The following ITIH5 variants were observed in gnomAD, a reference collection of about 807,000 sequenced individuals.
ITIH5 encodes the protein inter-alpha-trypsin inhibitor heavy chain 5, also known as inter-alpha-trypsin inhibitor heavy chain H5.
In ITIH5, 65 loss-of-function variants were observed where a neutral mutation model predicts 77.5. That is an observed-to-expected ratio of 0.84 (90% CI 0.69 to 1.03). The LOEUF is 1.03. Among genes scored for constraint, ITIH5 ranks in the 50% least tolerant of loss-of-function variants. The pLI is 0.00. For missense variants in ITIH5, 1,208 were observed against 1,213.1 expected, an observed-to-expected ratio of 1.00 and a Z score of 0.06; for synonymous variants, 525 against 494.3, an observed-to-expected ratio of 1.06 and a Z score of -0.82.
At chr10:7,666,129 AC>A (rs1339087146) in intron 1 of ITIH5, among the ~76,000 whole-genome samples, 2 of 152,194 alleles carry the variant, frequency 1.3e-5, no homozygotes, top group African/African-American at 4.8e-5. Context: ...ATTTGTGTGA[AC>A]CCGCTTCATA....
intron 10 of ITIH5, among the ~76,000 whole-genome samples, chr10:7,574,595 C>T (rs907599695): frequency 2.0e-5 from 3 of 151,994 alleles, no homozygotes; most frequent in Admixed American, 6.6e-5. Context: ...AGATTGAGAC[C>T]ATCCTGGCTA....
intron 1 of ITIH5, among the ~76,000 whole-genome samples, chr10:7,657,831 A>T (rs1420833229): frequency 1.3e-5 from 2 of 152,202 alleles, no homozygotes; most frequent in African/African-American, 4.8e-5. Flanking sequence ...GTGTCCCAGA[A>T]CTGCCTTTTC....
At chr10:7,615,479 T>C (rs1833345758) in intron 7 of ITIH5, among the ~76,000 whole-genome samples, 1 of 152,194 alleles carries the variant, frequency 6.6e-6, no homozygotes, top group East Asian at 1.9e-4. Context: ...ATAGTCATAT[T>C]TTCAGGAATC....
rs566205724 is a variant in ITIH5 at position 7,567,789 on chromosome 10, A to G, written c.2150-1382T>C. On this transcript the variant is annotated intron_variant, in intron 12 of 13. Coordinates refer to ENST00000397146, the MANE Select transcript of ITIH5 (RefSeq NM_030569.7). The stretch of plus-strand genomic sequence containing the variant: ...CTGGGGAAGCTGAGGCAGGAGAATC[A>G]CTTAAACCCAGGAGGTGGAGATTGC... 4.6e-5 allele frequency among the ~76,000 whole-genome samples: 7 copies of G among 152,272 alleles called. No homozygotes were observed. In the South Asian group the frequency reaches 8.3e-4, roughly 18 times the overall value.
chr10:7,655,517 T>C (rs1834166503), intron 2 of ITIH5, 114 bp downstream of exon 2: 2 of 802,152 alleles, frequency 2.5e-6, no homozygotes, highest in Middle Eastern at 2.3e-4. Context: ...TCAGAATTTT[T>C]CTACAAGCAA....
At chr10:7,648,028 A>C (rs546740189) in intron 2 of ITIH5, among the ~76,000 whole-genome samples, 9 of 152,050 alleles carry the variant, frequency 5.9e-5, no homozygotes, top group Admixed American at 3.9e-4. Context: ...TGGATCACGA[A>C]GTCAGGAGAT....
intron 2 of ITIH5, 68 bp downstream of exon 2, chr10:7,655,563 A>C: frequency 2.3e-6 from 3 of 1,292,954 alleles, no homozygotes; most frequent in Non-Finnish European, 3.4e-6. Flanking sequence ...AGCAAAGTGG[A>C]TACCTGGTTC....
chr10:7,646,653 A>G (rs1015118011), intron 2 of ITIH5, among the ~76,000 whole-genome samples: 4 of 152,302 alleles, frequency 2.6e-5, no homozygotes, highest in South Asian at 4.1e-4. Flanking sequence ...TGAAGCTGGA[A>G]TTGTGAGTTG....
intron 8 of ITIH5, among the ~76,000 whole-genome samples, chr10:7,582,117 T>C (rs950996990): frequency 5.9e-5 from 9 of 152,118 alleles, no homozygotes; most frequent in Admixed American, 2.0e-4. Flanking sequence ...CCTTGTGATC[T>C]GCCCGCCTCG....
chr10:7,638,533 A>C (rs1214988558), intron 4 of ITIH5, among the ~76,000 whole-genome samples: 1 of 152,240 alleles, frequency 6.6e-6, no homozygotes, highest in African/African-American at 2.4e-5. Context: ...CAAAGTTCAA[A>C]AGGAAAAGTA....
In ITIH5 at chr10:7,657,205, C is replaced by T. The variant is rs560585385; in HGVS notation, c.91-1530G>A. 8.6e-5 allele frequency among the ~76,000 whole-genome samples: 13 copies of T among 151,524 alleles called. No homozygotes were observed. The South Asian group carries it at 2.3e-3, about 27-fold the overall frequency. On this transcript the variant is annotated intron_variant, in intron 1 of 13. Transcript: ENST00000397146. ...GACTACAGGCATGCACCACCACGCC[C>T]GGCTAATTTTACTTTTGTATTTTAA...
chr10:7,602,848 A>G (rs937097058), intron 7 of ITIH5, among the ~76,000 whole-genome samples: 1 of 152,102 alleles, frequency 6.6e-6, no homozygotes, highest in African/African-American at 2.4e-5. Flanking sequence ...TTCTTTAATA[A>G]CAGCTCCATC....
intron 12 of ITIH5, among the ~76,000 whole-genome samples, chr10:7,568,125 A>C (rs1047973877): frequency 2.0e-5 from 3 of 152,308 alleles, no homozygotes; most frequent in Admixed American, 6.5e-5. Context: ...TGGCGATTGC[A>C]CTTGAGATGT....
chr10:7,570,678 A>G (rs1832279052), intron 11 of ITIH5, among the ~76,000 whole-genome samples: 1 of 152,330 alleles, frequency 6.6e-6, no homozygotes, highest in South Asian at 2.1e-4. Flanking sequence ...GCTGGAGTAC[A>G]GTGGTGCAAT....
intron 2 of ITIH5, 105 bp from the exon 3 acceptor site, chr10:7,642,195 G>T: frequency 2.3e-6 from 2 of 877,604 alleles, no homozygotes; most frequent in African/African-American, 1.7e-5. Flanking sequence ...CTTCAGTTTG[G>T]GAGCCTTTGG....
chr10:7,571,653 G>A (rs1248076747), intron 11 of ITIH5: 1 of 152,188 alleles, frequency 6.6e-6, no homozygotes. Context: ...CTGACCTCAG[G>A]TGATCCACCT....
At chr10:7,574,795 A>G (rs79530035) in intron 10 of ITIH5, among the ~76,000 whole-genome samples, 2,784 of 16,456 alleles carry the variant, frequency 0.17, 26 homozygotes, top group South Asian at 0.36. Context: ...TCCATCTCGG[A>G]AAAAAAAAAA....
At chr10:7,655,133 C>T (rs994979971) in intron 2 of ITIH5, among the ~76,000 whole-genome samples, 2 of 152,134 alleles carry the variant, frequency 1.3e-5, no homozygotes, top group African/African-American at 4.8e-5. Context: ...TATTTCACTC[C>T]ATGCACAGTG....
intron 7 of ITIH5, among the ~76,000 whole-genome samples, chr10:7,595,858 A>T (rs968371466): frequency 6.6e-6 from 1 of 152,104 alleles, no homozygotes; most frequent in African/African-American, 2.4e-5. Flanking sequence ...AATACAAAAA[A>T]TTAGCCAGGC....
Sources: gnomAD v4.1 joint callset for allele counts (sites outside exome capture counted in the v4.1 genomes callset) on GRCh38, gnomAD v4.1.1 for gene constraint, MANE v1.5 for transcripts, NCBI Gene and HGNC (gene_info 2026-07-23, HGNC 2026-07-21) for gene names.